Variants in SFMBT2 observed in about 807,000 individuals in gnomAD.
SFMBT2 encodes the protein scm-like with four MBT domains protein 2.
SFMBT2 carries 38 observed loss-of-function variants against 110.1 expected under a neutral mutation model. The observed-to-expected ratio is 0.35, with a 90% CI of 0.27 to 0.45. The LOEUF (loss-of-function observed/expected upper bound fraction) is 0.45. SFMBT2 is among the 20% of genes least tolerant of loss of function. The pLI is 1.00. For synonymous variants in SFMBT2, 425 were observed against 425.4 expected (o/e 1.00, Z 0.01); for missense variants, 1,011 against 1,094.9 (o/e 0.92, Z 1.08).
At chr10:7,204,380 A>T in intron 12 of SFMBT2, 1 of 985,448 alleles carries the variant, frequency 1.0e-6, no homozygotes, top group Non-Finnish European at 1.2e-6. Flanking sequence ...TGTTAGGAAG[A>T]AGTAAAGTTG....
At chr10:7,286,478 T>G in intron 4 of SFMBT2, 1 of 446,574 alleles carries the variant, frequency 2.2e-6, no homozygotes, top group Non-Finnish European at 3.0e-6. Context: ...CCCCTCCATA[T>G]CCATGGGTTC....
intron 1 of SFMBT2, among the ~76,000 whole-genome samples, chr10:7,390,753 C>T (rs1160553352): frequency 2.0e-5 from 3 of 152,220 alleles, no homozygotes; most frequent in Admixed American, 1.3e-4. Flanking sequence ...CTAGACACTA[C>T]AGAACAGTAA....
In SFMBT2 at chr10:7,172,761, T is replaced by C. The variant is rs1837928559; in HGVS notation, c.1985-100A>G. 1 of 1,381,058 alleles carries C rather than the reference T, an allele frequency of 7.2e-7. No homozygotes were observed. The highest frequency in any genetic ancestry group is 1.5e-5 in the African/African-American group (1 of 68,826). The allele number at this position is 1,381,058 out of a possible 1,614,324, so 85.6% of individuals were successfully genotyped here. A position where few individuals can be genotyped will look rare whatever the true frequency, so the allele number is the denominator to read the frequency against. ...GAAGGGAAACGATTCTTTCATCTGA[T>C]AGTTCATTTGTGCCTTACGAAGTCA... On this transcript the variant is annotated intron_variant, in intron 17 of 20. Transcript: ENST00000397167. This position sits in a 1 kb window ranked among gnomAD's most constrained non-coding sequence, Gnocchi z 4.6.
In SFMBT2 at chr10:7,349,088, G is replaced by A. The variant is rs141172964; in HGVS notation, c.436+18561C>T. 3.2e-3 allele frequency among the ~76,000 whole-genome samples: 486 copies of A among 152,228 alleles called. 1 individual carries two copies. The highest frequency in any genetic ancestry group is 0.011 in the African/African-American group (460 of 41,532). ...TCACTCCCAGGTCTCATGAATCTGT[G>A]ACAAACCTCCCTATCCATTTTTAAA... On this transcript the variant is annotated intron_variant, in intron 4 of 20. Transcript: ENST00000397167.
At chr10:7,297,271 C>T (rs1426328928) in intron 4 of SFMBT2, among the ~76,000 whole-genome samples, 1 of 152,210 alleles carries the variant, frequency 6.6e-6, no homozygotes, top group African/African-American at 2.4e-5. Flanking sequence ...CTGCAAAACA[C>T]AGGAAATGGC....
chr10:7,270,262 G>C (rs1841539504), intron 7 of SFMBT2, among the ~76,000 whole-genome samples: 1 of 152,100 alleles, frequency 6.6e-6, no homozygotes, highest in South Asian at 2.1e-4. Flanking sequence ...CAGAAGCCAG[G>C]GCCGCCCTCT....
chr10:7,407,956 C>A lies in SFMBT2; in HGVS notation c.-52+2905G>T, dbSNP rs538302151. 2.0e-5 allele frequency among the ~76,000 whole-genome samples: 3 copies of A among 152,250 alleles called. No individual in the cohort carries two copies. In the South Asian group the frequency reaches 6.2e-4, roughly 32 times the overall value. On this transcript the variant is annotated intron_variant, in intron 1 of 20. Coordinates refer to ENST00000397167, the MANE Select transcript of SFMBT2 (RefSeq NM_001387889.1). Reference sequence around the variant, plus strand: ...AGAGCGGTGGTCGGCCGGGCTCCTGCCCAGTCTCGGCTCCTCCCTCCTCCC... The same window carrying A: ...AGAGCGGTGGTCGGCCGGGCTCCTGACCAGTCTCGGCTCCTCCCTCCTCCC...
intron 4 of SFMBT2, among the ~76,000 whole-genome samples, chr10:7,333,954 A>T (rs568388267): frequency 1.0e-3 from 152 of 152,344 alleles, no homozygotes; most frequent in South Asian, 2.9e-3. Context: ...GGGAAAGCAC[A>T]CATCTAAAGC....
rs142369810 is a variant in SFMBT2 at position 7,170,291 on chromosome 10, G to A, written c.2544+637C>T. Among the ~76,000 whole-genome samples the A allele has an allele frequency of 5.6e-4, 85 of 152,350 alleles. No homozygotes were observed. Among genetic ancestry groups the A allele is most frequent in the African/African-American group, 1.9e-3 (80 of 41,588 alleles). On this transcript the variant is annotated intron_variant, in intron 20 of 20. Coordinates refer to ENST00000397167, the MANE Select transcript of SFMBT2 (RefSeq NM_001387889.1). This position sits in a 1 kb window ranked among gnomAD's most constrained non-coding sequence, Gnocchi z 4.6. The stretch of plus-strand genomic sequence containing the variant: ...CAACCCAGATTTGCCAAAAGGCACT[G>A]ACAGGAGGCTCAACCAAAACCAGTT...
chr10:7,269,995 T>C (rs534126822), intron 7 of SFMBT2, among the ~76,000 whole-genome samples: 1 of 151,874 alleles, frequency 6.6e-6, no homozygotes, highest in Non-Finnish European at 1.5e-5. Flanking sequence ...TGCGATCAGA[T>C]TGGGTTGAAG....
intron 7 of SFMBT2, among the ~76,000 whole-genome samples, chr10:7,261,737 T>C (rs1841210787): frequency 6.6e-6 from 1 of 152,246 alleles, no homozygotes; most frequent in South Asian, 2.1e-4. Context: ...AGTTGTTAAG[T>C]GCAGGACATC....
At chr10:7,346,954 C>T (rs1235018953) in intron 4 of SFMBT2, among the ~76,000 whole-genome samples, 6 of 152,024 alleles carry the variant, frequency 3.9e-5, no homozygotes, top group Non-Finnish European at 8.8e-5. Flanking sequence ...TGTGCCACTG[C>T]GCTCCAGCCT....
rs1259955201 is a variant in SFMBT2 at position 7,160,948 on chromosome 10, GCA to G, written c.*2820_*2821del. 1 of 152,214 alleles carries G rather than the reference GCA, an allele frequency of 6.6e-6. No homozygotes were observed. The allele number at this position is 152,214 out of a possible 1,614,324, so 9.4% of individuals were successfully genotyped here. A position where few individuals can be genotyped will look rare whatever the true frequency, so the allele number is the denominator to read the frequency against. On this transcript the variant is annotated 3_prime_UTR_variant, in exon 21 of 21. Coordinates refer to ENST00000397167, the MANE Select transcript of SFMBT2 (RefSeq NM_001387889.1). ...GCTCTCCTCAAGGACCGGAGAGATG[GCA>G]CAGAGACAACTTTCATGGCGACGCC...
chr10:7,210,165 T>A (rs1839291849), intron 11 of SFMBT2, among the ~76,000 whole-genome samples: 1 of 152,140 alleles, frequency 6.6e-6, no homozygotes, highest in Non-Finnish European at 1.5e-5. Context: ...GTGCTCTCAC[T>A]GCAAACACAC....
chr10:7,163,498 C>CA lies in SFMBT2; in HGVS notation c.*271dup. Reference sequence around the variant, plus strand: ...TGCCTGATTTGGGGCAGGAGAAAGGCAAAACGTGGGTGAGCCAAGAAGCAG... The same window carrying CA: ...TGCCTGATTTGGGGCAGGAGAAAGGCAAAAACGTGGGTGAGCCAAGAAGCAG... On this transcript the variant is annotated 3_prime_UTR_variant, in exon 21 of 21. Transcript: ENST00000397167. This position sits in a 1 kb window ranked among gnomAD's most constrained non-coding sequence, Gnocchi z 4.8. 1 of 379,524 alleles carries CA rather than the reference C, an allele frequency of 2.6e-6. No individual in the cohort carries two copies. Among genetic ancestry groups the CA allele is most frequent in the Admixed American group, 4.2e-5 (1 of 23,536 alleles). The allele number at this position is 379,524 out of a possible 1,614,324, so 23.5% of individuals were successfully genotyped here. A position where few individuals can be genotyped will look rare whatever the true frequency, so the allele number is the denominator to read the frequency against.
intron 14 of SFMBT2, among the ~76,000 whole-genome samples, chr10:7,199,677 C>T (rs1354762638): frequency 3.3e-5 from 5 of 152,156 alleles, no homozygotes; most frequent in South Asian, 2.1e-4. Flanking sequence ...CTCTGCCTTT[C>T]GATTACCAGG....
At chr10:7,266,007 A>AT (rs1284859555) in intron 7 of SFMBT2, among the ~76,000 whole-genome samples, 91 of 152,312 alleles carry the variant, frequency 6.0e-4, no homozygotes, top group African/African-American at 2.0e-3. Flanking sequence ...AGTCGGGGGA[A>AT]TCAGTGCTGA....
At chr10:7,391,626 A>G (rs12241723) in intron 1 of SFMBT2, among the ~76,000 whole-genome samples, 10,261 of 152,248 alleles carry the variant, frequency 0.067, 1,100 homozygotes, top group African/African-American at 0.23. Flanking sequence ...AACAACATTT[A>G]GTTTTTTCCT....
At chr10:7,210,062 AAC>A (rs1839287734) in intron 11 of SFMBT2, among the ~76,000 whole-genome samples, 1 of 152,188 alleles carries the variant, frequency 6.6e-6, no homozygotes, top group South Asian at 2.1e-4. Context: ...CTAAATTCAT[AAC>A]AGATTTCTGA....
Sources: allele counts gnomAD v4.1 joint callset (sites outside exome capture counted in the v4.1 genomes callset), GRCh38; gene constraint gnomAD v4.1.1; non-coding constraint Gnocchi (gnomAD v3.1); transcripts MANE v1.5; gene names NCBI Gene and HGNC (gene_info 2026-07-23, HGNC 2026-07-21).